The following ANKFN1 variants were observed in gnomAD, a reference collection of about 807,000 sequenced individuals.
ANKFN1 encodes ankyrin repeat and fibronectin type-III domain-containing protein 1.
ANKFN1 carries 74 observed loss-of-function variants against 108.7 expected under a neutral mutation model. The observed-to-expected ratio is 0.68, with a 90% CI of 0.56 to 0.83. The LOEUF (loss-of-function observed/expected upper bound fraction) is 0.83. Among genes scored for constraint, ANKFN1 ranks in the 40% least tolerant of loss-of-function variants. The pLI is 0.00. For missense variants in ANKFN1, 1,505 were observed against 1,382.3 expected, an observed-to-expected ratio of 1.09 and a Z score of -1.41; for synonymous variants, 547 against 516.2, an observed-to-expected ratio of 1.06 and a Z score of -0.81.
intron 4 of ANKFN1, among the ~76,000 whole-genome samples, chr17:56,097,402 G>T (rs1287422417): frequency 1.3e-5 from 2 of 152,108 alleles, no homozygotes; most frequent in South Asian, 4.1e-4. Context: ...CTTACTGGAC[G>T]TGTCTCTGTA....
intron 1 of ANKFN1, among the ~76,000 whole-genome samples, chr17:56,198,706 C>A (rs1334053208): frequency 1.3e-5 from 2 of 152,080 alleles, no homozygotes; most frequent in African/African-American, 4.8e-5. Flanking sequence ...TTTATAACGC[C>A]TTTTCTTAGG....
At chr17:56,242,843 C>T (rs1917688439) in intron 3 of ANKFN1, among the ~76,000 whole-genome samples, 1 of 152,054 alleles carries the variant, frequency 6.6e-6, no homozygotes, top group Non-Finnish European at 1.5e-5. Context: ...AAAGTCTTCT[C>T]ATTCCTTGTT....
At chr17:56,212,187 GC>G (rs61503306) in intron 1 of ANKFN1, among the ~76,000 whole-genome samples, 47,340 of 151,566 alleles carry the variant, frequency 0.31, 8,943 homozygotes, top group East Asian at 0.51. Context: ...GTCATAGAAG[GC>G]TTTTATTACC....
chr17:56,284,155 A>T (rs2044157193), intron 3 of ANKFN1, among the ~76,000 whole-genome samples: 1 of 152,308 alleles, frequency 6.6e-6, no homozygotes, highest in Non-Finnish European at 1.5e-5. Flanking sequence ...ACTCATGTTC[A>T]TGTATGAGAG....
At chr17:56,103,710 T>C (rs574010571) in intron 4 of ANKFN1, among the ~76,000 whole-genome samples, 15 of 152,202 alleles carry the variant, frequency 9.9e-5, no homozygotes, top group Non-Finnish European at 1.8e-4. Context: ...CAGATCTTGC[T>C]CCCAGAGTTC....
intron 14 of ANKFN1, among the ~76,000 whole-genome samples, chr17:56,458,731 G>A: frequency 6.6e-6 from 1 of 152,110 alleles, no homozygotes; most frequent in Non-Finnish European, 1.5e-5. Flanking sequence ...GCCATTAAGA[G>A]ATCGCTGAGC....
intron 20 of ANKFN1, among the ~76,000 whole-genome samples, chr17:56,505,338 C>T (rs907724605): frequency 6.6e-5 from 10 of 152,198 alleles, no homozygotes; most frequent in Admixed American, 2.0e-4. Flanking sequence ...CAATTCCACT[C>T]AACATGCTTT....
intron 6 of ANKFN1, among the ~76,000 whole-genome samples, chr17:56,359,239 C>T (rs2046451278): frequency 6.6e-6 from 1 of 152,168 alleles, no homozygotes; most frequent in Non-Finnish European, 1.5e-5. Context: ...GACACAGACA[C>T]ACACACATGC....
chr17:56,081,878 A>G (rs1253049661), intron 4 of ANKFN1, among the ~76,000 whole-genome samples: 1 of 152,182 alleles, frequency 6.6e-6, no homozygotes, highest in African/African-American at 2.4e-5. Context: ...GTCATATACC[A>G]GTTAAATTCT....
chr17:56,250,317 C>T (rs1328502118), intron 3 of ANKFN1, among the ~76,000 whole-genome samples: 1 of 152,164 alleles, frequency 6.6e-6, no homozygotes, highest in Non-Finnish European at 1.5e-5. Flanking sequence ...GCACTACAAT[C>T]CACTGCAACA....
intron 4 of ANKFN1, among the ~76,000 whole-genome samples, chr17:56,328,735 T>C (rs2045586822): frequency 6.6e-6 from 1 of 151,288 alleles, no homozygotes. Context: ...AAACTCATTA[T>C]CTTTTCCCTT....
At chr17:56,368,714 A>G (rs1395120409) in intron 6 of ANKFN1, among the ~76,000 whole-genome samples, 1 of 152,090 alleles carries the variant, frequency 6.6e-6, no homozygotes, top group Non-Finnish European at 1.5e-5. Flanking sequence ...GTCCAGTTGA[A>G]AAAAGGTTGT....
intron 1 of ANKFN1, among the ~76,000 whole-genome samples, chr17:56,197,836 T>C (rs2143735284): frequency 6.6e-6 from 1 of 152,320 alleles, no homozygotes; most frequent in African/African-American, 2.4e-5. Flanking sequence ...GAAGACAATT[T>C]TTCCATGCAC....
intron 3 of ANKFN1, among the ~76,000 whole-genome samples, chr17:56,255,563 A>C (rs1239786601): frequency 6.6e-6 from 1 of 152,138 alleles, no homozygotes; most frequent in African/African-American, 2.4e-5. Context: ...AATGGCATAC[A>C]TTTAGAAGTG....
intron 1 of ANKFN1, chr17:56,174,445 G>C (rs1910944197): frequency 1.0e-6 from 1 of 980,398 alleles, no homozygotes; most frequent in Non-Finnish European, 1.2e-6. Flanking sequence ...TTAGTGAATT[G>C]CTTGAGGGTT....
chr17:56,200,823 G>A (rs1032218503), intron 1 of ANKFN1, among the ~76,000 whole-genome samples: 14 of 152,162 alleles, frequency 9.2e-5, no homozygotes, highest in African/African-American at 3.4e-4. Flanking sequence ...TGAAGCAGAG[G>A]CAATCTATTA....
At chr17:56,378,923 C>G (rs182198421) in intron 8 of ANKFN1, among the ~76,000 whole-genome samples, 2 of 152,166 alleles carry the variant, frequency 1.3e-5, no homozygotes, top group Non-Finnish European at 2.9e-5. Context: ...CTTTCATTCA[C>G]TAGTTGCTGA....
intron 14 of ANKFN1, 71 bp from the exon 15 acceptor site, chr17:56,466,285 T>G: frequency 1.5e-6 from 2 of 1,345,478 alleles, no homozygotes; most frequent in East Asian, 4.6e-5. Context: ...ATTCACGGTG[T>G]CTTTTGTTGC....
At chr17:56,215,402 T>A (rs540821640) in intron 2 of ANKFN1, among the ~76,000 whole-genome samples, 1 of 152,330 alleles carries the variant, frequency 6.6e-6, no homozygotes, top group African/African-American at 2.4e-5. Flanking sequence ...GAAAGCCCAT[T>A]ACCAATAAGG....
Sources: allele counts gnomAD v4.1 joint callset (sites outside exome capture counted in the v4.1 genomes callset), GRCh38; gene constraint gnomAD v4.1.1; transcripts MANE v1.5; gene names NCBI Gene and HGNC (gene_info 2026-07-23, HGNC 2026-07-21).